NPC1: variants seen among roughly 807,000 people sequenced by gnomAD.
The protein encoded by NPC1 is NPC intracellular cholesterol transporter 1.
Under a neutral mutation model 140.4 loss-of-function variants are expected in NPC1, and 85 were observed. The observed-to-expected ratio is 0.61, with a 90% confidence interval of 0.51 to 0.72. The LOEUF (loss-of-function observed/expected upper bound fraction) is 0.72, where lower values mean the gene tolerates loss of function less well. NPC1 is among the 30% of genes least tolerant of loss of function. NPC1 has a pLI of 0.00. For synonymous variants in NPC1, 656 were observed against 624.8 expected (o/e 1.05, Z -0.74); for missense variants, 1,504 against 1,623.8 (o/e 0.93, Z 1.27).
At chr18:23,544,885 A>AAG in intron 12 of NPC1, 75 bp downstream of exon 12, 1 of 1,106,752 alleles carries the variant, frequency 9.0e-7, no homozygotes, top group Non-Finnish European at 1.4e-6. Flanking sequence ...AATAAGAATA[A>AAG]AGAGGCAAAA....
At position 23,561,474 on chromosome 18, in the gene NPC1, G is replaced by A. The variant is rs2059037912; in HGVS notation, c.517C>T (p.Leu173=). ...VEAPSSNDKA[L]GLLCGKDADA... ...GCGTCCTTCCCACACAGGAGTCCCA[G>A]GGCCTTGTCATTACTTGAGGGGGCC... The change falls in exon 5 of 25, where the codon CTG becomes TTG. Residue 173 remains leucine, a synonymous_variant. Transcript: ENST00000269228. The A allele has an allele frequency of 6.2e-7, 1 of 1,614,168 alleles. No individual in the cohort carries two copies. The highest frequency in any genetic ancestry group is 8.5e-7 in the Non-Finnish European group (1 of 1,180,020).
chr18:23,574,133 G>T (rs758628156), intron 1 of NPC1, among the ~76,000 whole-genome samples: 2 of 152,144 alleles, frequency 1.3e-5, no homozygotes, highest in African/African-American at 4.8e-5. Context: ...AAACACCGAG[G>T]CAATCTCAAA....
intron 16 of NPC1, 37 bp downstream of exon 16, chr18:23,541,031 G>T (rs1182105156): frequency 6.2e-7 from 1 of 1,610,602 alleles, no homozygotes; most frequent in Non-Finnish European, 8.5e-7. Context: ...ATCTGTTTCA[G>T]TGAGAGGAAA....
rs1339959181 is a variant in NPC1, at chr18:23,543,542, G to A, written c.2158C>T (p.Leu720=). 12 of 1,604,982 alleles carry A rather than the reference G, an allele frequency of 7.5e-6. No individual in the cohort carries two copies. The highest frequency in any genetic ancestry group is 1.0e-5 in the Non-Finnish European group (12 of 1,175,998). ...QRDERLQGET[L]DQQLGRVLGE... ...AGGACCCTGCCCAGCTGCTGATCCAGGGTTTCCCCTTGAAGACGTTCATCT... is the reference window on the plus strand; with the variant it reads ...AGGACCCTGCCCAGCTGCTGATCCAAGGTTTCCCCTTGAAGACGTTCATCT... The change falls in exon 14 of 25, where the codon CTG becomes TTG. Residue 720 remains leucine, a synonymous_variant. Coordinates refer to ENST00000269228, the MANE Select transcript of NPC1 (RefSeq NM_000271.5).
chr18:23,511,575 A>G (rs773437607), intron 3 of NPC1, among the ~76,000 whole-genome samples: 16 of 152,184 alleles, frequency 1.1e-4, no homozygotes, highest in Non-Finnish European at 2.1e-4. Context: ...TTTGGTGCAT[A>G]TTCCTCTATT....
intron 1 of NPC1, among the ~76,000 whole-genome samples, chr18:23,583,208 C>T (rs754499477): frequency 5.3e-5 from 8 of 151,090 alleles, no homozygotes; most frequent in East Asian, 1.9e-4. Flanking sequence ...GCCTGCAATT[C>T]GGTAGTTCAA....
chr18:23,573,943 C>T lies in NPC1; in HGVS notation c.58-369G>A, dbSNP rs1280129819. 2.0e-5 allele frequency among the ~76,000 whole-genome samples: 3 copies of T among 152,074 alleles called. No homozygotes were observed. The South Asian group carries it at 6.2e-4, about 32-fold the overall frequency. ...ATCTGCACCAGGAACTATATAAGCT[C>T]TAAGTAATGAAAGAATATTTCCATA... On this transcript the variant is annotated intron_variant, in intron 1 of 24. Transcript: ENST00000269228.
intron 1 of NPC1, among the ~76,000 whole-genome samples, chr18:23,575,364 C>A (rs1348671154): frequency 6.6e-6 from 1 of 152,112 alleles, no homozygotes; most frequent in Non-Finnish European, 1.5e-5. Flanking sequence ...GAAGGCGGCA[C>A]GGAGTGGGAT....
exon 2 of NPC1, chr18:23,522,334 C>T (rs2058163761): frequency 6.6e-6 from 1 of 152,052 alleles, no homozygotes; most frequent in Non-Finnish European, 1.5e-5. Context: ...ATGAAGGTAA[C>T]TGCTGGTGAA....
At chr18:23,562,635 A>C (rs1476721007) in intron 4 of NPC1, among the ~76,000 whole-genome samples, 1 of 152,056 alleles carries the variant, frequency 6.6e-6, no homozygotes, top group Non-Finnish European at 1.5e-5. Context: ...TGGTAAGAAA[A>C]TCTCCAATTA....
downstream of NPC1, chr18:23,529,385 G>A: frequency 6.7e-7 from 1 of 1,496,144 alleles, no homozygotes; most frequent in Non-Finnish European, 8.9e-7. Flanking sequence ...TGTGATTAGA[G>A]TCACTTGAAG....
At chr18:23,545,393 C>T (rs1337918598) in intron 11 of NPC1, among the ~76,000 whole-genome samples, 1 of 152,148 alleles carries the variant, frequency 6.6e-6, no homozygotes, top group Non-Finnish European at 1.5e-5. Context: ...CAGGCGTGCG[C>T]CACCAGGCCC....
chr18:23,532,495 A>G (rs1598929637), intron 24 of NPC1, among the ~76,000 whole-genome samples: 1 of 152,116 alleles, frequency 6.6e-6, no homozygotes, highest in Non-Finnish European at 1.5e-5. Context: ...GTGCAGTGGT[A>G]TGAACACGAC....
intron 4 of NPC1, among the ~76,000 whole-genome samples, chr18:23,563,689 A>T (rs2059077235): frequency 6.6e-6 from 1 of 152,186 alleles, no homozygotes; most frequent in South Asian, 2.1e-4. Flanking sequence ...GCTGGATTAT[A>T]GGCATGAGCC....
At chr18:23,514,801 ACT>A (rs1555625871) in intron 3 of NPC1, among the ~76,000 whole-genome samples, 1 of 151,808 alleles carries the variant, frequency 6.6e-6, no homozygotes, top group Non-Finnish European at 1.5e-5. Context: ...AAGAAAGAAG[ACT>A]CTAGCACATC....
chr18:23,534,487 C>T lies in NPC1; in HGVS notation c.3550G>A (p.Val1184Met), dbSNP rs767795351. The T allele has an allele frequency of 1.0e-4, 167 of 1,613,938 alleles. 1 individual carries two copies. Among genetic ancestry groups the T allele is most frequent in the Non-Finnish European group, 1.3e-4 (152 of 1,180,040 alleles). ...GCAAGTGCCTCTTCCGCGCGCTCCA[C>T]GCGGCTGCCTTTCATGCTCACCGTG... ...AFTVSMKGSR[V>M]ERAEEALAHM... is the part of the protein sequence containing the mutation. Residue 1184 changes from valine (V) to methionine (M), a missense_variant, in exon 23 of 25, where the codon GTG becomes ATG. Coordinates refer to ENST00000269228, the MANE Select transcript of NPC1 (RefSeq NM_000271.5).
At chr18:23,584,125 C>T (rs975839603) in intron 1 of NPC1, among the ~76,000 whole-genome samples, 1 of 152,180 alleles carries the variant, frequency 6.6e-6, no homozygotes, top group Non-Finnish European at 1.5e-5. Context: ...AAAAACAAGG[C>T]AGTCTAGTAA....
At chr18:23,527,669 G>C (rs2058346151), downstream of NPC1, 2 of 654,948 alleles carry the variant, frequency 3.1e-6, no homozygotes, top group Non-Finnish European at 5.5e-6. Context: ...TTAAAGTAGA[G>C]TGTCCTTTAA....
chr18:23,539,378 GTGA>G lies in NPC1; in HGVS notation c.2885_2887del (p.Ile962del). 6.2e-7 allele frequency: 1 copy of G among 1,613,320 alleles called. No homozygotes were observed. The highest frequency in any genetic ancestry group is 8.5e-7 in the Non-Finnish European group (1 of 1,179,280). On this transcript the variant is annotated inframe_deletion, in exon 19 of 25. Transcript: ENST00000269228. The stretch of plus-strand genomic sequence containing the variant: ...ACCTGAAGCATTGCAGAACTGGTCA[GTGA>G]TATTGTCCACTCGACAGCAAGACGA...
Sources: gnomAD v4.1 joint callset for allele counts (sites outside exome capture counted in the v4.1 genomes callset) on GRCh38, gnomAD v4.1.1 for gene constraint, MANE v1.5 for transcripts, NCBI Gene and HGNC (gene_info 2026-07-23, HGNC 2026-07-21) for gene names.